Variants in CDC14B observed in about 807,000 individuals in gnomAD.
CDC14B encodes the protein dual specificity protein phosphatase CDC14B.
In CDC14B, 22 loss-of-function variants were observed where a neutral mutation model predicts 64.2. That is an observed-to-expected ratio of 0.34 (90% CI 0.24 to 0.49). CDC14B has a LOEUF of 0.49. Ranked by LOEUF, CDC14B falls within the 20% of genes least tolerant of loss-of-function variation. The probability of loss-of-function intolerance (pLI) is 0.99; values close to 1 mark genes in which losing one functional copy is unlikely to be tolerated. For synonymous variants in CDC14B, 191 were observed against 215.8 expected (o/e 0.89, Z 1.01); for missense variants, 498 against 629.9 (o/e 0.79, Z 2.24).
At chr9:96,541,620 C>T (rs1437777130) in intron 6 of CDC14B, among the ~76,000 whole-genome samples, 5 of 152,204 alleles carry the variant, frequency 3.3e-5, no homozygotes, top group African/African-American at 1.2e-4. Flanking sequence ...TCCCCCAACT[C>T]ATACATAGAA....
intron 1 of CDC14B, chr9:96,567,324 C>A (rs989193033): frequency 6.5e-6 from 1 of 153,222 alleles, no homozygotes; most frequent in East Asian, 1.9e-4. Context: ...GGCGCCTCCC[C>A]CGCCGCACTC....
chr9:96,523,479 T>G, intron 10 of CDC14B, 59 bp from the exon 11 acceptor site: 1 of 1,603,196 alleles, frequency 6.2e-7, no homozygotes, highest in Non-Finnish European at 8.5e-7. Context: ...GAACAACTTC[T>G]TCCTACCAGA....
chr9:96,536,645 T>C (rs1454697719), intron 7 of CDC14B, among the ~76,000 whole-genome samples: 1 of 152,200 alleles, frequency 6.6e-6, no homozygotes, highest in Non-Finnish European at 1.5e-5. Flanking sequence ...AACAGTTCAG[T>C]TAAACGTAAG....
At chr9:96,519,749 A>G (rs1047388794) in intron 12 of CDC14B, among the ~76,000 whole-genome samples, 1 of 150,888 alleles carries the variant, frequency 6.6e-6, no homozygotes, top group African/African-American at 2.5e-5. Flanking sequence ...AAAAAAAAAA[A>G]AAAAGAGAAA....
intron 13 of CDC14B, among the ~76,000 whole-genome samples, chr9:96,493,641 G>A (rs1447191076): frequency 6.6e-6 from 1 of 152,164 alleles, no homozygotes; most frequent in Non-Finnish European, 1.5e-5. Flanking sequence ...ACCAGCCTGA[G>A]CAACACAGTA....
At chr9:96,565,032 T>C (rs1485179606) in intron 2 of CDC14B, among the ~76,000 whole-genome samples, 180 bp from the exon 3 acceptor site, 1 of 152,140 alleles carries the variant, frequency 6.6e-6, no homozygotes, top group Non-Finnish European at 1.5e-5. Context: ...AATGCCTACT[T>C]AAAAATGCCA....
intron 1 of CDC14B, among the ~76,000 whole-genome samples, chr9:96,591,987 T>C (rs1845818821): frequency 6.6e-6 from 1 of 152,162 alleles, no homozygotes; most frequent in African/African-American, 2.4e-5. Flanking sequence ...CCTCGTGATC[T>C]GCCCGCCTCG....
chr9:96,566,762 G>A (rs554748756), intron 1 of CDC14B: 2 of 1,604,662 alleles, frequency 1.2e-6, no homozygotes, highest in African/African-American at 2.7e-5. Context: ...CGCCCTCCCG[G>A]CTCACCTTTG....
At chr9:96,526,034 G>A (rs1837500786) in intron 9 of CDC14B, among the ~76,000 whole-genome samples, 1 of 152,070 alleles carries the variant, frequency 6.6e-6, no homozygotes. Context: ...AGGTCACAGA[G>A]TGGGGCCCTA....
intron 4 of CDC14B, among the ~76,000 whole-genome samples, chr9:96,561,510 G>T (rs967603263): frequency 5.3e-5 from 8 of 151,236 alleles, no homozygotes; most frequent in African/African-American, 1.9e-4. Flanking sequence ...ACGGAGTCTC[G>T]CTCTGTCGCC....
rs1486772389 is a variant in CDC14B, at chr9:96,564,066, T to A, written c.327+711A>T. Reference sequence around the variant, plus strand: ...TATTTCCTCTCTGTATTCAATTAAATTTTTTTTTTAAGTGCCTGTCCCAAA... The same window carrying A: ...TATTTCCTCTCTGTATTCAATTAAAATTTTTTTTTAAGTGCCTGTCCCAAA... On this transcript the variant is annotated intron_variant, in intron 3 of 13. Coordinates refer to ENST00000375241, the MANE Select transcript of CDC14B (RefSeq NM_033331.4). 2.0e-5 allele frequency among the ~76,000 whole-genome samples: 3 copies of A among 150,720 alleles called. No individual in the cohort carries two copies. The South Asian group carries it at 6.3e-4, about 32-fold the overall frequency.
rs1293624736 is a variant in CDC14B, at chr9:96,500,309, A to G, written c.*3444T>C. 6.6e-6 allele frequency: 1 copy of G among 152,586 alleles called. No homozygotes were observed. Among genetic ancestry groups the G allele is most frequent in the Admixed American group, 6.5e-5 (1 of 15,288 alleles). 9.5% of individuals were successfully genotyped at this position (152,586 alleles called of 1,614,324 possible). A position where few individuals can be genotyped will look rare whatever the true frequency, so the allele number is the denominator to read the frequency against. On this transcript the variant is annotated 3_prime_UTR_variant, in exon 14 of 14. Coordinates refer to ENST00000375241, the MANE Select transcript of CDC14B (RefSeq NM_033331.4). ...CAGGAAAATAAACATTCATTCAACC[A>G]GTTCTCTTGGCTTTAAAAAATATGA...
intron 4 of CDC14B, among the ~76,000 whole-genome samples, chr9:96,562,030 C>A (rs559885814): frequency 4.6e-5 from 7 of 152,178 alleles, no homozygotes; most frequent in African/African-American, 7.2e-5. Flanking sequence ...AAAAATAAAT[C>A]TTTTCCATCA....
At chr9:96,545,244 A>G (rs1394313537) in intron 5 of CDC14B, among the ~76,000 whole-genome samples, 1 of 152,168 alleles carries the variant, frequency 6.6e-6, no homozygotes, top group East Asian at 1.9e-4. Context: ...TCAAATCAAA[A>G]TTATCAATGG....
At chr9:96,510,500 C>T (rs897576982) in intron 12 of CDC14B, among the ~76,000 whole-genome samples, 4 of 150,744 alleles carry the variant, frequency 2.7e-5, no homozygotes, top group East Asian at 1.9e-4. Context: ...AAAGGCCACA[C>T]GGAATGTCCT....
chr9:96,561,842 G>T (rs929277097), intron 4 of CDC14B, among the ~76,000 whole-genome samples: 7 of 151,932 alleles, frequency 4.6e-5, no homozygotes, highest in African/African-American at 1.5e-4. Context: ...TGATGGTGGG[G>T]TGGGGGTGGA....
rs150352310 is a variant in CDC14B, at chr9:96,578,842, G to A, written c.161-13359C>T. ...GGTTTCTTTTTCTTTTCTTTGAGAC[G>A]GAGTCTCACTCTGTTGCCCAGGCTG... On this transcript the variant is annotated intron_variant, in intron 1 of 13. Transcript: ENST00000375241. 6.6e-4 allele frequency among the ~76,000 whole-genome samples: 100 copies of A among 152,178 alleles called. No individual in the cohort carries two copies. In the East Asian group the frequency reaches 0.017, roughly 26 times the overall value.
chr9:96,496,233 G>T, downstream of CDC14B: 1 of 474,288 alleles, frequency 2.1e-6, no homozygotes. Context: ...ATTGCACCTG[G>T]AGAGAACTTG....
In CDC14B at chr9:96,612,072, T is replaced by C. The variant is rs540342204; in HGVS notation, c.160+7147A>G. 1.4e-4 allele frequency among the ~76,000 whole-genome samples: 22 copies of C among 152,314 alleles called. No homozygotes were observed. The South Asian group carries it at 4.6e-3, about 32-fold the overall frequency. On this transcript the variant is annotated intron_variant, in intron 1 of 13. Coordinates refer to ENST00000375241, the MANE Select transcript of CDC14B (RefSeq NM_033331.4). ...AGAATGAAGTAACAGCTTTGGTTTA[T>C]TCCTCCTTTTACAGGGAATCTTTCT... is the stretch of plus-strand genomic sequence containing the variant.
Sources: allele counts gnomAD v4.1 joint callset (sites outside exome capture counted in the v4.1 genomes callset), GRCh38; gene constraint gnomAD v4.1.1; transcripts MANE v1.5; gene names NCBI Gene and HGNC (gene_info 2026-07-23, HGNC 2026-07-21).